Variants in ATXN7L1 observed in about 807,000 individuals in gnomAD.
The protein encoded by ATXN7L1 is ataxin-7-like protein 1.
A neutral mutation model predicts 70.8 loss-of-function variants in ATXN7L1; 15 were observed. The observed-to-expected ratio is 0.21, with a 90% CI of 0.14 to 0.33. ATXN7L1 has a LOEUF of 0.33. Ranked by LOEUF, ATXN7L1 falls within the 10% of genes least tolerant of loss-of-function variation. The pLI, the probability that ATXN7L1 is intolerant of heterozygous loss-of-function variation, is 1.00. For missense variants in ATXN7L1, 975 were observed against 1,097.1 expected, an observed-to-expected ratio of 0.89 and a Z score of 1.57; for synonymous variants, 440 against 445.1, an observed-to-expected ratio of 0.99 and a Z score of 0.14.
chr7:105,787,229 A>G (rs1804438275), intron 3 of ATXN7L1, among the ~76,000 whole-genome samples: 1 of 152,170 alleles, frequency 6.6e-6, no homozygotes, highest in Non-Finnish European at 1.5e-5. Flanking sequence ...AGCTGGACAC[A>G]CCCACAGAAG....
At chr7:105,752,838 C>A (rs1799367171) in intron 3 of ATXN7L1, among the ~76,000 whole-genome samples, 1 of 152,140 alleles carries the variant, frequency 6.6e-6, no homozygotes, top group Non-Finnish European at 1.5e-5. Flanking sequence ...AGTGGCCGCA[C>A]CCTGAACAAA....
intron 2 of ATXN7L1, among the ~76,000 whole-genome samples, chr7:105,826,069 T>C (rs889056380): frequency 1.3e-5 from 2 of 152,156 alleles, no homozygotes; most frequent in African/African-American, 4.8e-5. Context: ...TATAGAGATA[T>C]GGAGTAAATA....
At chr7:105,853,895 T>C (rs919048067) in intron 2 of ATXN7L1, among the ~76,000 whole-genome samples, 8 of 152,186 alleles carry the variant, frequency 5.3e-5, no homozygotes, top group Non-Finnish European at 8.8e-5. Flanking sequence ...TGAGGATTCA[T>C]AATACTTCCC....
rs749069327 is a variant in ATXN7L1 at position 105,876,512 on chromosome 7, G to A, written c.47C>T (p.Ala16Val). 5 of 1,612,246 alleles carry A rather than the reference G, an allele frequency of 3.1e-6. No homozygotes were observed. The highest frequency in any genetic ancestry group is 1.7e-5 in the Admixed American group (1 of 59,926). Reference protein sequence around the residue: ...SRIPCLSAAAAEGTGKKQQEG... With the variant: ...SRIPCLSAAAVEGTGKKQQEG... ...TTGTTGCTTTTTCCCTGTTCCTTCG[G>A]CAGCAGCAGCCGAGAGACACGGGAT... The change falls in exon 1 of 12, where the codon GCC becomes GTC. Residue 16 changes from alanine to valine, a missense_variant. Physicochemically the swap from Ala to Val is moderately conservative, Grantham distance 64. Transcript: ENST00000419735.
intron 2 of ATXN7L1, among the ~76,000 whole-genome samples, chr7:105,862,842 G>A (rs1018277846): frequency 2.0e-5 from 3 of 152,126 alleles, no homozygotes; most frequent in Non-Finnish European, 4.4e-5. Flanking sequence ...TTGCCACATC[G>A]CCCTGTCCTC....
chr7:105,854,230 T>C (rs572304547), intron 2 of ATXN7L1, among the ~76,000 whole-genome samples: 5 of 152,130 alleles, frequency 3.3e-5, no homozygotes, highest in African/African-American at 1.2e-4. Flanking sequence ...CCATCTGTAA[T>C]CCATTCAAAG....
chr7:105,627,493 C>G (rs1562917276), intron 7 of ATXN7L1, among the ~76,000 whole-genome samples: 2 of 150,980 alleles, frequency 1.3e-5, no homozygotes, highest in South Asian at 4.2e-4. Context: ...TGCTCGGCCT[C>G]CCAAACTGTT....
intron 3 of ATXN7L1, among the ~76,000 whole-genome samples, chr7:105,777,957 T>C (rs1802972085): frequency 6.6e-6 from 1 of 152,244 alleles, no homozygotes; most frequent in Admixed American, 6.5e-5. Flanking sequence ...GCTTTTCACA[T>C]GGCTTGATCA....
intron 6 of ATXN7L1, 123 bp downstream of exon 6, chr7:105,639,364 A>G: frequency 1.5e-6 from 1 of 681,878 alleles, no homozygotes; most frequent in Non-Finnish European, 2.5e-6. Flanking sequence ...CATTTCCCTT[A>G]CAAAGAACAG....
At position 105,667,554 on chromosome 7, in the gene ATXN7L1, C is replaced by G. The variant is rs1034208517; in HGVS notation, c.356-2266G>C. On this transcript the variant is annotated intron_variant, in intron 3 of 11. Transcript: ENST00000419735. ...CTCTACTAAAAATACAAAAAATTAG[C>G]CGGGCGTAGTGGCGGGCGCCTGTAG... Among the ~76,000 whole-genome samples the G allele has an allele frequency of 7.4e-5, 10 of 135,166 alleles. 1 individual carries two copies. The highest frequency in any genetic ancestry group is 2.6e-4 in the African/African-American group (10 of 39,036). 88.7% of individuals were successfully genotyped at this position (135,166 alleles called of 152,430 possible).
chr7:105,632,988 G>A (rs1273163699), intron 7 of ATXN7L1, among the ~76,000 whole-genome samples: 3 of 140,976 alleles, frequency 2.1e-5, no homozygotes, highest in Non-Finnish European at 3.0e-5. Context: ...AGAGTCCCCA[G>A]TCTTCAGAGA....
Position 105,746,759 on chromosome 7 carries a change from G to A in ATXN7L1, c.355+41845C>T, listed in dbSNP as rs576383151. 2.6e-5 allele frequency among the ~76,000 whole-genome samples: 4 copies of A among 152,222 alleles called. No homozygotes were observed. The East Asian group carries it at 7.7e-4, about 29-fold the overall frequency. On this transcript the variant is annotated intron_variant, in intron 3 of 11. Coordinates refer to ENST00000419735, the MANE Select transcript of ATXN7L1 (RefSeq NM_020725.2). ...GTATTTACTAGATTAATAAATGAAT[G>A]CATTATTAAGTCAAAAAGCAAGGAG...
rs1792758365 is a variant in ATXN7L1, at chr7:105,606,223, T to G, written c.*1629A>C. The stretch of plus-strand genomic sequence containing the variant: ...TATCAACTCCTGATTTTTAAACAAA[T>G]CATTTTATATTAAAAAATTTAGTAA... On this transcript the variant is annotated 3_prime_UTR_variant, in exon 12 of 12. Coordinates refer to ENST00000419735, the MANE Select transcript of ATXN7L1 (RefSeq NM_020725.2). The G allele has an allele frequency of 6.6e-6, 1 of 152,234 alleles. No individual in the cohort carries two copies. Among genetic ancestry groups the G allele is most frequent in the South Asian group, 2.1e-4 (1 of 4,830 alleles). 9.4% of individuals were successfully genotyped at this position (152,234 alleles called of 1,614,324 possible). A position where few individuals can be genotyped will look rare whatever the true frequency, so the allele number is the denominator to read the frequency against.
intron 3 of ATXN7L1, among the ~76,000 whole-genome samples, chr7:105,779,943 C>G (rs781001083): frequency 4.6e-5 from 7 of 152,146 alleles, no homozygotes; most frequent in South Asian, 4.1e-4. Flanking sequence ...AATTTAATGT[C>G]AGCAAACAAA....
At chr7:105,625,667 A>C (rs1383140355) in intron 7 of ATXN7L1, among the ~76,000 whole-genome samples, 2 of 152,250 alleles carry the variant, frequency 1.3e-5, no homozygotes, top group African/African-American at 4.8e-5. Flanking sequence ...TGTGTATAAA[A>C]CAACCCAACA....
intron 2 of ATXN7L1, among the ~76,000 whole-genome samples, chr7:105,854,335 G>C (rs1485789675): frequency 6.6e-6 from 1 of 152,082 alleles, no homozygotes; most frequent in Non-Finnish European, 1.5e-5. Context: ...CAGGAAGTGG[G>C]CCTTTCTTGG....
intron 3 of ATXN7L1, among the ~76,000 whole-genome samples, chr7:105,721,376 G>A (rs1011801004): frequency 2.0e-5 from 3 of 152,200 alleles, no homozygotes; most frequent in African/African-American, 7.2e-5. Context: ...AACGGGGTGC[G>A]AAGCGGAGCT....
intron 2 of ATXN7L1, among the ~76,000 whole-genome samples, chr7:105,854,248 G>A (rs1442979281): frequency 2.0e-5 from 3 of 152,054 alleles, no homozygotes; most frequent in African/African-American, 7.2e-5. Context: ...AAGGCAACCG[G>A]CAGGAAATGG....
At chr7:105,716,528 T>C (rs1336457863) in intron 3 of ATXN7L1, among the ~76,000 whole-genome samples, 1 of 152,064 alleles carries the variant, frequency 6.6e-6, no homozygotes, top group African/African-American at 2.4e-5. Flanking sequence ...TGGTTCTCTG[T>C]TTTTTAAAAT....
Sources: allele counts gnomAD v4.1 joint callset (sites outside exome capture counted in the v4.1 genomes callset), GRCh38; gene constraint gnomAD v4.1.1; transcripts MANE v1.5; gene names NCBI Gene and HGNC (gene_info 2026-07-23, HGNC 2026-07-21).